The following NALF1 variants were observed in gnomAD, a reference collection of about 807,000 sequenced individuals.
NALF1 encodes NALCN channel auxiliary factor 1.
NALF1 carries 3 observed loss-of-function variants against 48.4 expected under a neutral mutation model. The ratio of observed to expected loss-of-function variants is 0.06; its 90% CI spans 0.03 to 0.16. The LOEUF is 0.16. Among genes scored for constraint, NALF1 ranks in the 10% least tolerant of loss-of-function variants. The pLI is 1.00. For synonymous variants in NALF1, 262 were observed against 245.7 expected, an observed-to-expected ratio of 1.07 and a Z score of -0.62; for missense variants, 526 against 571.5, an observed-to-expected ratio of 0.92 and a Z score of 0.81.
chr13:107,609,202 G>A (rs560637916), intron 1 of NALF1, among the ~76,000 whole-genome samples: 1 of 152,220 alleles, frequency 6.6e-6, no homozygotes, highest in African/African-American at 2.4e-5. Flanking sequence ...TAGAAGGCCA[G>A]AGGGGCTGTC....
At chr13:107,349,132 G>A (rs1030310009) in intron 1 of NALF1, among the ~76,000 whole-genome samples, 1 of 152,110 alleles carries the variant, frequency 6.6e-6, no homozygotes, top group African/African-American at 2.4e-5. Context: ...GATTTCCTGG[G>A]GACATTCTCA....
chr13:107,446,807 A>C (rs1203863147), intron 1 of NALF1, among the ~76,000 whole-genome samples: 1 of 152,178 alleles, frequency 6.6e-6, no homozygotes, highest in Admixed American at 6.5e-5. Context: ...ATAAGAAAAA[A>C]AGAGAGCCCT....
intron 1 of NALF1, among the ~76,000 whole-genome samples, chr13:107,685,946 A>C (rs1881423129): frequency 1.3e-5 from 2 of 152,170 alleles, no homozygotes; most frequent in South Asian, 4.1e-4. Context: ...TAGATAGGAG[A>C]AGGGCAGAAT....
At chr13:107,638,871 A>C (rs1001393146) in intron 1 of NALF1, among the ~76,000 whole-genome samples, 6 of 152,126 alleles carry the variant, frequency 3.9e-5, no homozygotes, top group African/African-American at 1.4e-4. Flanking sequence ...GGGCTACAGG[A>C]AGGTGATGAG....
chr13:107,208,703 C>T (rs1376682860), intron 2 of NALF1, among the ~76,000 whole-genome samples: 1 of 151,482 alleles, frequency 6.6e-6, no homozygotes, highest in Non-Finnish European at 1.5e-5. Flanking sequence ...CCTCATTGTC[C>T]CACAAGAAAA....
intron 1 of NALF1, among the ~76,000 whole-genome samples, chr13:107,844,708 G>T (rs367608553): frequency 6.6e-6 from 1 of 152,136 alleles, no homozygotes; most frequent in Non-Finnish European, 1.5e-5. Context: ...TGAAGAGATG[G>T]ATTTGTTTAA....
At chr13:107,427,513 A>C (rs1017718439) in intron 1 of NALF1, among the ~76,000 whole-genome samples, 13 of 152,266 alleles carry the variant, frequency 8.5e-5, no homozygotes, top group Non-Finnish European at 1.3e-4. Flanking sequence ...TGAATCTAGA[A>C]TATAGGTGTC....
chr13:107,764,706 A>G (rs1233899872), intron 1 of NALF1, among the ~76,000 whole-genome samples: 1 of 152,168 alleles, frequency 6.6e-6, no homozygotes, highest in East Asian at 1.9e-4. Flanking sequence ...CTCCTATCAT[A>G]AAACTATTCA....
intron 2 of NALF1, among the ~76,000 whole-genome samples, chr13:107,205,018 A>G (rs1308236424): frequency 7.1e-6 from 1 of 140,868 alleles, no homozygotes; most frequent in African/African-American, 2.6e-5. Flanking sequence ...TTCTTTTATT[A>G]TTATACTTTA....
chr13:107,512,465 G>T (rs1358239932), intron 1 of NALF1, among the ~76,000 whole-genome samples: 1 of 152,180 alleles, frequency 6.6e-6, no homozygotes, highest in Non-Finnish European at 1.5e-5. Context: ...ACTGAGGCAG[G>T]ACAGGTGAGC....
intron 1 of NALF1, among the ~76,000 whole-genome samples, chr13:107,643,741 G>A (rs1263561903): frequency 3.3e-5 from 5 of 152,104 alleles, no homozygotes; most frequent in African/African-American, 7.2e-5. Context: ...GAGAAGGTTT[G>A]CTGAACCACA....
At chr13:107,655,968 T>C (rs960035592) in intron 1 of NALF1, among the ~76,000 whole-genome samples, 1 of 151,952 alleles carries the variant, frequency 6.6e-6, no homozygotes, top group African/African-American at 2.4e-5. Context: ...TGTAAAATAA[T>C]AAAACTGGAT....
chr13:107,565,001 G>A (rs1191637230), intron 1 of NALF1, among the ~76,000 whole-genome samples: 10 of 138,060 alleles, frequency 7.2e-5, no homozygotes, highest in Non-Finnish European at 1.1e-4. Context: ...CAGGAAGGAG[G>A]TGAAAGCAGG....
intron 1 of NALF1, among the ~76,000 whole-genome samples, chr13:107,271,358 G>A (rs1008167384): frequency 2.0e-5 from 3 of 152,156 alleles, no homozygotes; most frequent in Non-Finnish European, 4.4e-5. Context: ...AGAAGTTCTG[G>A]CCTTTGAAGA....
intron 1 of NALF1, among the ~76,000 whole-genome samples, chr13:107,755,565 G>A (rs771574291): frequency 1.1e-4 from 16 of 150,020 alleles, no homozygotes; most frequent in Non-Finnish European, 2.4e-4. Flanking sequence ...TTACATACTA[G>A]ATTCTAGAGG....
At chr13:107,389,980 T>G (rs975647158) in intron 1 of NALF1, among the ~76,000 whole-genome samples, 1 of 152,178 alleles carries the variant, frequency 6.6e-6, no homozygotes, top group African/African-American at 2.4e-5. Context: ...ATAAAACTTC[T>G]AGGTTTGATT....
At chr13:107,590,876 ATGCCTT>A (rs2138417286) in intron 1 of NALF1, among the ~76,000 whole-genome samples, 1 of 152,056 alleles carries the variant, frequency 6.6e-6, no homozygotes, top group African/African-American at 2.4e-5. Context: ...CTTCTGAGAT[ATGCCTT>A]TGTCTTACAG....
At position 107,446,435 on chromosome 13, in the gene NALF1, A is replaced by ACACAC. The variant is rs66778475; in HGVS notation, c.916-235681_916-235680insGTGTG. Among the ~76,000 whole-genome samples the ACACAC allele has an allele frequency of 3.7e-3, 568 of 151,596 alleles. 2 individuals are homozygous for ACACAC. The highest frequency in any genetic ancestry group is 0.013 in the African/African-American group (521 of 41,230). Reference sequence around the variant, plus strand: ...CACACACACACACACACACACACACATATTTTTACTAAATTGGAATTACAC... The same window carrying ACACAC: ...CACACACACACACACACACACACACACACACTATTTTTACTAAATTGGAATTACAC... On this transcript the variant is annotated intron_variant, in intron 1 of 2. Transcript: ENST00000375915.
At position 107,210,654 on chromosome 13, in the gene NALF1, C is replaced by T. The variant is rs867671171; in HGVS notation, c.1017G>A (p.Thr339=). The part of the protein sequence containing the change: ...PCKQYCLEVQ[T]RCPFILPDND... ...TGTCGGGCAATATAAATGGACACCT[C>T]GTCTGAACCTCCAAACAGTATTGCT... is the stretch of plus-strand genomic sequence containing the variant. Residue 339 remains threonine (T), a synonymous_variant, in exon 2 of 3, where the codon ACG becomes ACA. Coordinates refer to ENST00000375915, the MANE Select transcript of NALF1 (RefSeq NM_001080396.3). 1.9e-6 allele frequency: 3 copies of T among 1,612,624 alleles called. No homozygotes were observed. The highest frequency in any genetic ancestry group is 1.3e-5 in the African/African-American group (1 of 74,856).
Sources: allele counts gnomAD v4.1 joint callset (sites outside exome capture counted in the v4.1 genomes callset), GRCh38; gene constraint gnomAD v4.1.1; transcripts MANE v1.5; gene names NCBI Gene and HGNC (gene_info 2026-07-23, HGNC 2026-07-21).